The following GALNT1 variants were observed in gnomAD, a reference collection of about 807,000 sequenced individuals.
GALNT1 encodes polypeptide N-acetylgalactosaminyltransferase 1.
Under a neutral mutation model 65.7 loss-of-function variants are expected in GALNT1, and 17 were observed. The observed-to-expected ratio is 0.26, with a 90% CI of 0.18 to 0.39. GALNT1 has a LOEUF of 0.39. Among genes scored for constraint, GALNT1 ranks in the 10% least tolerant of loss-of-function variants. GALNT1 has a pLI of 1.00. For synonymous variants in GALNT1, 210 were observed against 219.7 expected, an observed-to-expected ratio of 0.96 and a Z score of 0.39; for missense variants, 460 against 672.8, an observed-to-expected ratio of 0.68 and a Z score of 3.50.
intron 1 of GALNT1, among the ~76,000 whole-genome samples, chr18:35,621,167 T>C (rs1171719137): frequency 1.3e-5 from 2 of 151,010 alleles, no homozygotes; most frequent in African/African-American, 4.9e-5. Flanking sequence ...TGTGTGTTTT[T>C]GTTGTTTGTT....
intron 1 of GALNT1, among the ~76,000 whole-genome samples, chr18:35,623,701 A>T (rs1317061231): frequency 9.9e-5 from 15 of 152,188 alleles, no homozygotes; most frequent in Admixed American, 9.8e-4. Flanking sequence ...TAATCCCATC[A>T]AGTGAATTTC....
chr18:35,589,499 C>G (rs530183172), intron 1 of GALNT1, among the ~76,000 whole-genome samples: 1 of 151,636 alleles, frequency 6.6e-6, no homozygotes, highest in African/African-American at 2.4e-5. Flanking sequence ...ACTTTTTTTC[C>G]CTTCTGCTTC....
At chr18:35,630,230 C>T (rs1052397586) in intron 1 of GALNT1, among the ~76,000 whole-genome samples, 1 of 152,156 alleles carries the variant, frequency 6.6e-6, no homozygotes, top group African/African-American at 2.4e-5. Flanking sequence ...AACTCTCCAC[C>T]CCAAATCAAC....
intron 1 of GALNT1, among the ~76,000 whole-genome samples, chr18:35,624,802 T>TA (rs1216863216): frequency 2.0e-5 from 3 of 152,220 alleles, no homozygotes; most frequent in Non-Finnish European, 2.9e-5. Context: ...ACAATGACCT[T>TA]AAAATGCTTT....
intron 4 of GALNT1, among the ~76,000 whole-genome samples, chr18:35,680,815 T>C (rs1329956800): frequency 6.6e-6 from 1 of 152,184 alleles, no homozygotes; most frequent in Non-Finnish European, 1.5e-5. Context: ...GCTGTGTACC[T>C]CACTTCTGAT....
At chr18:35,612,944 A>T (rs1328902505) in intron 1 of GALNT1, among the ~76,000 whole-genome samples, 2 of 151,828 alleles carry the variant, frequency 1.3e-5, no homozygotes, top group African/African-American at 4.8e-5. Context: ...GTTTCTTAAA[A>T]TTTTATGTTT....
At chr18:35,634,209 T>A (rs974582038) in intron 1 of GALNT1, among the ~76,000 whole-genome samples, 8 of 152,214 alleles carry the variant, frequency 5.3e-5, no homozygotes, top group Admixed American at 6.5e-5. Context: ...AAGGAAAATA[T>A]GTTTTTCTCA....
intron 1 of GALNT1, among the ~76,000 whole-genome samples, chr18:35,629,988 A>G (rs1314214951): frequency 6.6e-6 from 1 of 152,262 alleles, no homozygotes; most frequent in Non-Finnish European, 1.5e-5. Context: ...AAAGGGATCA[A>G]TTCAACAAGA....
chr18:35,701,008 A>G (rs1401350461), intron 9 of GALNT1, among the ~76,000 whole-genome samples: 2 of 152,200 alleles, frequency 1.3e-5, no homozygotes, highest in Non-Finnish European at 2.9e-5. Flanking sequence ...TATCAAAAGT[A>G]TAAGGAAATA....
At position 35,593,010 on chromosome 18, in the gene GALNT1, C is replaced by CTGT. The variant is rs567989502; in HGVS notation, c.-104+11162_-104+11164dup. ...TTGTCTTCATACTGAGGTTGTTTTC[C>CTGT]TGTTGTTGTTGTTGTTTTTCCTTGA... On this transcript the variant is annotated intron_variant, in intron 1 of 11. Transcript: ENST00000269195. Among the ~76,000 whole-genome samples, 449 of 152,080 alleles carry CTGT rather than the reference C, an allele frequency of 3.0e-3. 4 individuals carry two copies. Among genetic ancestry groups the CTGT allele is most frequent in the African/African-American group, 0.011 (436 of 41,476 alleles).
chr18:35,700,158 C>T (rs1381339801), intron 9 of GALNT1, among the ~76,000 whole-genome samples: 1 of 152,184 alleles, frequency 6.6e-6, no homozygotes, highest in African/African-American at 2.4e-5. Flanking sequence ...TGTATCACTA[C>T]ACAGAAAAGA....
intron 1 of GALNT1, among the ~76,000 whole-genome samples, chr18:35,628,301 A>T (rs1481410595): frequency 6.6e-6 from 1 of 152,180 alleles, no homozygotes; most frequent in East Asian, 1.9e-4. Context: ...AAGTAGCCTA[A>T]CTGGGAGGCA....
chr18:35,667,059 T>A (rs1042465540), intron 3 of GALNT1, among the ~76,000 whole-genome samples: 3 of 152,204 alleles, frequency 2.0e-5, no homozygotes, highest in African/African-American at 7.2e-5. Context: ...CAACAATTCC[T>A]AACAGTTTTG....
intron 3 of GALNT1, 100 bp from the exon 4 acceptor site, chr18:35,677,491 A>G: frequency 1.1e-6 from 1 of 886,088 alleles, no homozygotes; most frequent in South Asian, 2.6e-5. Flanking sequence ...CCACCACTAG[A>G]GCAAACTGCT....
At chr18:35,619,235 A>C (rs1030779760) in intron 1 of GALNT1, among the ~76,000 whole-genome samples, 3 of 152,106 alleles carry the variant, frequency 2.0e-5, no homozygotes, top group Non-Finnish European at 4.4e-5. Flanking sequence ...GGCTATTATT[A>C]GGGCCAAAAA....
intron 3 of GALNT1, among the ~76,000 whole-genome samples, chr18:35,668,203 A>G (rs2047576469): frequency 6.6e-6 from 1 of 152,218 alleles, no homozygotes; most frequent in Non-Finnish European, 1.5e-5. Context: ...AAAACTTGGA[A>G]ACTTAGGAAA....
At chr18:35,673,081 G>T (rs1194326859) in intron 3 of GALNT1, among the ~76,000 whole-genome samples, 2 of 152,234 alleles carry the variant, frequency 1.3e-5, no homozygotes, top group Admixed American at 1.3e-4. Flanking sequence ...CTGAATGAGA[G>T]TGTACAGAGG....
At chr18:35,581,705 G>GA (rs1341947767), upstream of GALNT1, 1 of 144,004 alleles carries the variant, frequency 6.9e-6, no homozygotes, top group African/African-American at 2.5e-5. Context: ...GCGGGGCCCG[G>GA]CCGGACCCGC....
At chr18:35,659,997 CTTTG>C (rs2047453762) in intron 2 of GALNT1, 1 of 151,906 alleles carries the variant, frequency 6.6e-6, no homozygotes, top group South Asian at 2.1e-4. Flanking sequence ...TCTTACATAC[CTTTG>C]TTTATAGAAT....
Sources: allele counts gnomAD v4.1 joint callset (sites outside exome capture counted in the v4.1 genomes callset), GRCh38; gene constraint gnomAD v4.1.1; transcripts MANE v1.5; gene names NCBI Gene and HGNC (gene_info 2026-07-23, HGNC 2026-07-21).